VSTM2L: variants seen among roughly 807,000 people sequenced by gnomAD.
VSTM2L encodes V-set and transmembrane domain containing 2 like, also known as V-set and transmembrane domain-containing protein 2-like protein.
In VSTM2L, 9 loss-of-function variants were observed where a neutral mutation model predicts 19.9. The ratio of observed to expected loss-of-function variants is 0.45; its 90% CI spans 0.27 to 0.79. The LOEUF (loss-of-function observed/expected upper bound fraction) is 0.79, where lower values mean the gene tolerates loss of function less well. VSTM2L is among the 30% of genes least tolerant of loss of function. The pLI is 0.15. For missense variants in VSTM2L, 286 were observed against 295.5 expected (o/e 0.97, Z 0.24); for synonymous variants, 127 against 133.8 (o/e 0.95, Z 0.35).
chr20:37,929,049 G>A (rs1350981523), intron 1 of VSTM2L, among the ~76,000 whole-genome samples: 1 of 152,200 alleles, frequency 6.6e-6, no homozygotes, highest in Non-Finnish European at 1.5e-5. Flanking sequence ...AGTCCTGTTG[G>A]CCAGTGCTGA....
Position 37,923,380 on chromosome 20 carries a change from C to T in VSTM2L, c.122-8255C>T, listed in dbSNP as rs890192519. ...GAGCCATTTCCTGCAGCTGATGCAC[C>T]GATAATCAGGCCTGGGGTTAATTAA... On this transcript the variant is annotated intron_variant, in intron 1 of 3. Coordinates refer to ENST00000373461, the MANE Select transcript of VSTM2L (RefSeq NM_080607.3). Among the ~76,000 whole-genome samples, 11 of 152,250 alleles carry T rather than the reference C, an allele frequency of 7.2e-5. No individual in the cohort carries two copies. The East Asian group carries it at 1.5e-3, about 21-fold the overall frequency.
chr20:37,930,036 C>T (rs1433981691), intron 1 of VSTM2L, among the ~76,000 whole-genome samples: 5 of 152,140 alleles, frequency 3.3e-5, no homozygotes, highest in Admixed American at 6.5e-5. Flanking sequence ...ACTAACCAGG[C>T]CTTGTTTACA....
chr20:37,921,837 C>CTTTT (rs1568837638), intron 1 of VSTM2L, among the ~76,000 whole-genome samples: 71 of 126,602 alleles, frequency 5.6e-4, no homozygotes, highest in African/African-American at 2.4e-3. Context: ...TCTTTCTTTT[C>CTTTT]CTTTTTTTTT....
At chr20:37,939,142 C>T (rs945357775) in intron 3 of VSTM2L, among the ~76,000 whole-genome samples, 1 of 152,162 alleles carries the variant, frequency 6.6e-6, no homozygotes, top group Non-Finnish European at 1.5e-5. Flanking sequence ...CGGTGGCTCA[C>T]GCTTAGAATC....
At chr20:37,924,628 A>C (rs1449782609) in intron 1 of VSTM2L, among the ~76,000 whole-genome samples, 3 of 152,132 alleles carry the variant, frequency 2.0e-5, no homozygotes, top group Non-Finnish European at 4.4e-5. Context: ...TGCCTGGCAC[A>C]AAACAAATAG....
intron 3 of VSTM2L, among the ~76,000 whole-genome samples, chr20:37,936,557 CT>C (rs2072941422): frequency 1.3e-5 from 2 of 152,184 alleles, no homozygotes; most frequent in South Asian, 4.1e-4. Flanking sequence ...GTGCTGTCAG[CT>C]TCCAGGGGCT....
intron 1 of VSTM2L, among the ~76,000 whole-genome samples, chr20:37,929,626 T>A (rs941799991): frequency 6.6e-6 from 1 of 151,994 alleles, no homozygotes; most frequent in Non-Finnish European, 1.5e-5. Context: ...GAAAATAGCT[T>A]GTTGGGGAGG....
intron 1 of VSTM2L, among the ~76,000 whole-genome samples, chr20:37,918,021 G>A (rs2072829840): frequency 6.6e-6 from 1 of 152,166 alleles, no homozygotes; most frequent in Non-Finnish European, 1.5e-5. Context: ...TTCCTGGTTT[G>A]AGCAGCACAG....
chr20:37,941,867 C>T (rs949854738), intron 3 of VSTM2L, among the ~76,000 whole-genome samples: 3 of 150,894 alleles, frequency 2.0e-5, no homozygotes, highest in African/African-American at 7.3e-5. Context: ...CCTCCCACCA[C>T]CACCACCCCT....
intron 1 of VSTM2L, among the ~76,000 whole-genome samples, chr20:37,921,097 C>A (rs1332459614): frequency 2.0e-5 from 3 of 152,202 alleles, no homozygotes; most frequent in Non-Finnish European, 4.4e-5. Flanking sequence ...ATATAACACA[C>A]TCAGCATCTG....
At chr20:37,925,484 C>T (rs551221166) in intron 1 of VSTM2L, among the ~76,000 whole-genome samples, 5 of 152,302 alleles carry the variant, frequency 3.3e-5, no homozygotes, top group South Asian at 4.1e-4. Flanking sequence ...CCAATGCTCC[C>T]GGCACTTACC....
chr20:37,907,764 T>C (rs2072758822), intron 1 of VSTM2L, among the ~76,000 whole-genome samples: 1 of 152,198 alleles, frequency 6.6e-6, no homozygotes, highest in Non-Finnish European at 1.5e-5. Flanking sequence ...GCCGGGGGCT[T>C]TGTCCATTGA....
intron 1 of VSTM2L, among the ~76,000 whole-genome samples, chr20:37,921,738 T>C (rs1289865427): frequency 6.6e-6 from 1 of 151,680 alleles, no homozygotes. Flanking sequence ...GAGGTGACAT[T>C]GGAGCCGAGG....
chr20:37,938,166 T>A (rs1175804316), intron 3 of VSTM2L, among the ~76,000 whole-genome samples: 1 of 151,758 alleles, frequency 6.6e-6, no homozygotes, highest in East Asian at 1.9e-4. Context: ...TGCTGAGGGA[T>A]GTGGATTCTG....
intron 1 of VSTM2L, among the ~76,000 whole-genome samples, chr20:37,914,389 G>GAC (rs1568835303): frequency 0.066 from 240 of 3,622 alleles, no homozygotes; most frequent in Middle Eastern, 0.2. Context: ...TGTATGTGTG[G>GAC]GTGTGTGTAT....
chr20:37,905,834 T>G (rs975084296), intron 1 of VSTM2L, among the ~76,000 whole-genome samples: 1 of 152,154 alleles, frequency 6.6e-6, no homozygotes, highest in African/African-American at 2.4e-5. Context: ...CTGTTATTAA[T>G]GATAGTGAGA....
At chr20:37,941,068 T>C (rs1332744723) in intron 3 of VSTM2L, among the ~76,000 whole-genome samples, 2 of 152,132 alleles carry the variant, frequency 1.3e-5, no homozygotes, top group Non-Finnish European at 2.9e-5. Flanking sequence ...ATGACTTCAG[T>C]TGGAGAAAGA....
intron 1 of VSTM2L, among the ~76,000 whole-genome samples, chr20:37,913,767 C>T (rs758114342): frequency 1.3e-5 from 2 of 152,140 alleles, no homozygotes; most frequent in African/African-American, 4.8e-5. Flanking sequence ...GCAGAGGCCT[C>T]GTGGAGAACC....
chr20:37,931,715 G>A lies in VSTM2L; in HGVS notation c.202G>A (p.Gly68Ser), dbSNP rs201047349. The change falls in exon 2 of 4, where the codon GGC (glycine) becomes AGC (serine). Residue 68 changes from glycine to serine, a missense_variant. By Grantham distance (56) the Gly-to-Ser change is moderately conservative. Coordinates refer to ENST00000373461, the MANE Select transcript of VSTM2L (RefSeq NM_080607.3). ...GATGGCCTGCTCCTTCCGCGGCAGCGGCTCCCCCTCCTACTCGCTGGAGAT... is the reference window on the plus strand; with the variant it reads ...GATGGCCTGCTCCTTCCGCGGCAGCAGCTCCCCCTCCTACTCGCTGGAGAT... ...VEMACSFRGS[G>S]SPSYSLEIQW... is the part of the protein sequence containing the mutation. The A allele has an allele frequency of 7.6e-5, 123 of 1,613,820 alleles. No individual in the cohort carries two copies. In the East Asian group the frequency reaches 2.1e-3, roughly 27 times the overall value.
Sources: gnomAD v4.1 joint callset for allele counts (sites outside exome capture counted in the v4.1 genomes callset) on GRCh38, gnomAD v4.1.1 for gene constraint, MANE v1.5 for transcripts, NCBI Gene and HGNC (gene_info 2026-07-23, HGNC 2026-07-21) for gene names.